Variants in GRAMD1B observed in about 807,000 individuals in gnomAD.
The protein encoded by GRAMD1B is protein Aster-B.
Under a neutral mutation model 99.7 loss-of-function variants are expected in GRAMD1B, and 37 were observed. The observed-to-expected ratio is 0.37, with a 90% CI of 0.29 to 0.49. GRAMD1B has a LOEUF of 0.49. Among genes scored for constraint, GRAMD1B ranks in the 20% least tolerant of loss-of-function variants. The probability of loss-of-function intolerance (pLI) is 0.98; values close to 1 mark genes in which losing one functional copy is unlikely to be tolerated. For missense variants in GRAMD1B, 888 were observed against 1,009.2 expected (o/e 0.88, Z 1.63); for synonymous variants, 427 against 387.6 (o/e 1.10, Z -1.19).
At chr11:123,438,792 A>C (rs1475344158) in intron 1 of GRAMD1B, among the ~76,000 whole-genome samples, 1 of 152,174 alleles carries the variant, frequency 6.6e-6, no homozygotes, top group African/African-American at 2.4e-5. Context: ...TATAGCCTCC[A>C]ATTGCTATGC....
At chr11:123,369,020 C>T (rs11219121) in intron 1 of GRAMD1B, among the ~76,000 whole-genome samples, 22,570 of 152,052 alleles carry the variant, frequency 0.15, 1,718 homozygotes, top group African/African-American at 0.17. Context: ...TCAGGCTGGG[C>T]GCAGTGACTC....
At chr11:123,434,230 CAAAAAAAAAAAA>C (rs33942028) in intron 1 of GRAMD1B, among the ~76,000 whole-genome samples, 5 of 73,010 alleles carry the variant, frequency 6.8e-5, no homozygotes, top group African/African-American at 2.2e-4. Flanking sequence ...ACTCCGTTTC[CAAAAAAAAAAAA>C]AAAAAAAAAA....
rs577994589 is a variant in GRAMD1B at position 123,622,535 on chromosome 11, C to T, written c.2574C>T (p.Asn858=). The change falls in exon 20 of 20, where the codon AAC becomes AAT. Residue 858 remains asparagine (N), a synonymous_variant. Coordinates refer to ENST00000635736, the MANE Select transcript of GRAMD1B (RefSeq NM_001387025.1). Reference sequence around the variant, plus strand: ...AGGACTCGCTCATCAACCTTCAGAACGGCATCAGGTCCCGCGACTACACGT... The same window carrying T: ...AGGACTCGCTCATCAACCTTCAGAATGGCATCAGGTCCCGCGACTACACGT... The part of the protein sequence containing the change: ...QMKDSLINLQ[N]GIRSRDYTSE... 2.2e-5 allele frequency: 34 copies of T among 1,557,888 alleles called. No homozygotes were observed. Among genetic ancestry groups the T allele is most frequent in the African/African-American group, 9.6e-5 (7 of 72,928 alleles).
At chr11:123,538,878 C>T (rs1944228189) in intron 2 of GRAMD1B, among the ~76,000 whole-genome samples, 1 of 152,246 alleles carries the variant, frequency 6.6e-6, no homozygotes, top group African/African-American at 2.4e-5. Context: ...ATCCACCCAC[C>T]TCAGCCTCCT....
At chr11:123,558,630 A>G (rs1193988270) in intron 2 of GRAMD1B, among the ~76,000 whole-genome samples, 2 of 152,246 alleles carry the variant, frequency 1.3e-5, no homozygotes, top group African/African-American at 4.8e-5. Flanking sequence ...CTCTAGTCCA[A>G]GATCTTTCCG....
intron 2 of GRAMD1B, among the ~76,000 whole-genome samples, chr11:123,489,040 GCAGAT>G (rs1392513660): frequency 6.6e-6 from 1 of 152,102 alleles, no homozygotes; most frequent in East Asian, 1.9e-4. Flanking sequence ...TGGAAGTGGG[GCAGAT>G]TCAGGGGCCA....
rs115680242 is a variant in GRAMD1B, at chr11:123,600,766, A to G, written c.1050+218A>G. On this transcript the variant is annotated intron_variant, in intron 8 of 19. Transcript: ENST00000635736. ...GGGGCTTCAGTTCCACTGCTTTGAA[A>G]TGTCTCAGGATTTTCTCTAATCAGT... Among the ~76,000 whole-genome samples, 342 of 152,294 alleles carry G rather than the reference A, an allele frequency of 2.2e-3. 1 individual carries two copies. Among genetic ancestry groups the G allele is most frequent in the African/African-American group, 7.6e-3 (317 of 41,538 alleles).
At chr11:123,450,591 T>C (rs1949844923) in intron 1 of GRAMD1B, among the ~76,000 whole-genome samples, 1 of 152,214 alleles carries the variant, frequency 6.6e-6, no homozygotes, top group African/African-American at 2.4e-5. Context: ...TTAGTTTGTT[T>C]TCTAAAATTT....
intron 3 of GRAMD1B, 101 bp from the exon 4 acceptor site, chr11:123,584,211 C>T: frequency 1.4e-6 from 1 of 695,564 alleles, no homozygotes. Flanking sequence ...TGGACCCCTC[C>T]TCCCTGCCCA....
At chr11:123,506,120 C>T (rs1202095925) in intron 2 of GRAMD1B, among the ~76,000 whole-genome samples, 2 of 152,232 alleles carry the variant, frequency 1.3e-5, no homozygotes, top group Non-Finnish European at 2.9e-5. Context: ...GTAAGCAATG[C>T]AAACATGGGC....
intron 2 of GRAMD1B, among the ~76,000 whole-genome samples, chr11:123,542,975 CTT>C (rs66622576): frequency 3.3e-5 from 5 of 150,524 alleles, no homozygotes; most frequent in Non-Finnish European, 5.9e-5. Flanking sequence ...TTTTCTTTTT[CTT>C]TTTTTTTTTA....
Position 123,394,309 on chromosome 11 carries a change from T to A in GRAMD1B, c.-176+35510T>A, listed in dbSNP as rs556209903. On this transcript the variant is annotated intron_variant, in intron 1 of 20. Transcript: ENST00000638157. Reference sequence around the variant, plus strand: ...TCTCTCTTACTATCAGCATTGAGATTCCTTCTGCTCTATCCAATGATACCA... The same window carrying A: ...TCTCTCTTACTATCAGCATTGAGATACCTTCTGCTCTATCCAATGATACCA... 1.3e-4 allele frequency among the ~76,000 whole-genome samples: 20 copies of A among 152,352 alleles called. 1 individual carries two copies. The South Asian group carries it at 4.1e-3, about 32-fold the overall frequency.
At chr11:123,462,886 T>A (rs374597594) in intron 1 of GRAMD1B, among the ~76,000 whole-genome samples, 1,047 of 47,658 alleles carry the variant, frequency 0.022, 17 homozygotes, top group African/African-American at 0.085. Context: ...AATAAAAAAA[T>A]AAATTAAAAA....
intron 2 of GRAMD1B, among the ~76,000 whole-genome samples, chr11:123,527,239 G>C (rs1052985066): frequency 6.6e-6 from 1 of 152,138 alleles, no homozygotes; most frequent in Non-Finnish European, 1.5e-5. Context: ...AGTCAGGGAT[G>C]GGTGTTGAGC....
At chr11:123,529,028 C>T (rs1001140989) in intron 2 of GRAMD1B, among the ~76,000 whole-genome samples, 1 of 152,182 alleles carries the variant, frequency 6.6e-6, no homozygotes, top group Non-Finnish European at 1.5e-5. Context: ...TCATCCATTT[C>T]TTCATTCTAC....
At chr11:123,374,192 C>T (rs1946620738) in intron 1 of GRAMD1B, among the ~76,000 whole-genome samples, 1 of 152,186 alleles carries the variant, frequency 6.6e-6, no homozygotes, top group Non-Finnish European at 1.5e-5. Flanking sequence ...GTGTTTCTGT[C>T]TGTTCTTAAA....
intron 1 of GRAMD1B, among the ~76,000 whole-genome samples, chr11:123,454,036 T>C (rs1369321347): frequency 6.6e-6 from 1 of 152,242 alleles, no homozygotes; most frequent in African/African-American, 2.4e-5. Context: ...GTAAATACTT[T>C]CCCAGCAGCT....
At chr11:123,573,341 GA>G (rs1270528713) in intron 2 of GRAMD1B, among the ~76,000 whole-genome samples, 1 of 152,172 alleles carries the variant, frequency 6.6e-6, no homozygotes, top group African/African-American at 2.4e-5. Context: ...CAAAAAGGAT[GA>G]AAAAAATGCC....
At chr11:123,399,989 C>T (rs1353541721) in intron 1 of GRAMD1B, among the ~76,000 whole-genome samples, 1 of 152,062 alleles carries the variant, frequency 6.6e-6, no homozygotes, top group Non-Finnish European at 1.5e-5. Context: ...AACCTGGTAA[C>T]CATTTATATG....
Sources: allele counts gnomAD v4.1 joint callset (sites outside exome capture counted in the v4.1 genomes callset), GRCh38; gene constraint gnomAD v4.1.1; transcripts MANE v1.5; gene names NCBI Gene and HGNC (gene_info 2026-07-23, HGNC 2026-07-21).